Variants in GLRB observed in about 807,000 individuals in gnomAD.
GLRB encodes the protein glycine receptor subunit beta.
In GLRB, 33 loss-of-function variants were observed where a neutral mutation model predicts 54.2. The ratio of observed to expected loss-of-function variants is 0.61; its 90% CI spans 0.46 to 0.81. GLRB has a LOEUF of 0.81. GLRB is among the 40% of genes least tolerant of loss of function. GLRB has a pLI of 0.00. For synonymous variants in GLRB, 209 were observed against 208.2 expected, an observed-to-expected ratio of 1.00 and a Z score of -0.03; for missense variants, 572 against 584.6, an observed-to-expected ratio of 0.98 and a Z score of 0.22.
chr4:157,154,255 A>G (rs1325163770), intron 9 of GLRB, among the ~76,000 whole-genome samples: 1 of 152,130 alleles, frequency 6.6e-6, no homozygotes, highest in Non-Finnish European at 1.5e-5. Context: ...TGTAGACAAC[A>G]TATAGTTGGT....
chr4:157,107,622 T>C (rs1402328041), intron 2 of GLRB, among the ~76,000 whole-genome samples: 1 of 152,022 alleles, frequency 6.6e-6, no homozygotes, highest in Non-Finnish European at 1.5e-5. Flanking sequence ...AGAAGAAAAT[T>C]TGGAAGCTAG....
At chr4:157,080,500 C>A (rs1734185185) in intron 2 of GLRB, among the ~76,000 whole-genome samples, 1 of 152,098 alleles carries the variant, frequency 6.6e-6, no homozygotes, top group Non-Finnish European at 1.5e-5. Flanking sequence ...GAATTAAGAA[C>A]TTTAGAAGAC....
chr4:157,094,303 G>T (rs951672853), intron 2 of GLRB, among the ~76,000 whole-genome samples: 4 of 152,134 alleles, frequency 2.6e-5, no homozygotes, highest in Admixed American at 1.3e-4. Flanking sequence ...GAATAATCCA[G>T]TATATATCTT....
intron 2 of GLRB, among the ~76,000 whole-genome samples, chr4:157,102,991 C>G (rs1432940270): frequency 6.6e-6 from 1 of 151,780 alleles, no homozygotes; most frequent in Non-Finnish European, 1.5e-5. Flanking sequence ...ATAGTGAAAC[C>G]CCGTCTCTAC....
chr4:157,157,818 A>G (rs565024659), intron 9 of GLRB, among the ~76,000 whole-genome samples: 1 of 152,316 alleles, frequency 6.6e-6, no homozygotes, highest in South Asian at 2.1e-4. Flanking sequence ...ATGTGTCTTT[A>G]TAGCAACATG....
At chr4:157,145,716 G>A (rs1736781802) in intron 8 of GLRB, among the ~76,000 whole-genome samples, 1 of 152,196 alleles carries the variant, frequency 6.6e-6, no homozygotes, top group South Asian at 2.1e-4. Flanking sequence ...GTAAGATAGT[G>A]ATGTAAGATA....
chr4:157,127,395 G>A (rs1736052427), intron 4 of GLRB, among the ~76,000 whole-genome samples: 1 of 151,460 alleles, frequency 6.6e-6, no homozygotes, highest in South Asian at 2.1e-4. Context: ...TTCATCTTCA[G>A]GGTTTGCACT....
intron 2 of GLRB, among the ~76,000 whole-genome samples, chr4:157,112,354 C>A (rs572525188): frequency 6.6e-6 from 1 of 151,840 alleles, no homozygotes; most frequent in East Asian, 1.9e-4. Context: ...ATGTTTGATT[C>A]TCAAGTGCAT....
chr4:157,095,684 C>T (rs1019225604), intron 2 of GLRB, among the ~76,000 whole-genome samples: 83 of 152,182 alleles, frequency 5.5e-4, no homozygotes, highest in African/African-American at 1.8e-3. Context: ...TTTAAAAAGA[C>T]ATAAAGCTAG....
rs1736512113 is a variant in GLRB at position 157,138,936 on chromosome 4, C to CAGTTTTATTTTGCACGGGTATATTCTT, written c.738_739insAGTTTTATTTTGCACGGGTATATTCTT (p.Tyr246_Tyr247insSerPheIleLeuHisGlyTyrIleLeu). On this transcript the variant is annotated inframe_insertion, in exon 7 of 10. Coordinates refer to ENST00000264428, the MANE Select transcript of GLRB (RefSeq NM_000824.5). The stretch of plus-strand genomic sequence containing the variant: ...TTGAATATGGTAACTGTACAAAATA[C>CAGTTTTATTTTGCACGGGTATATTCTT]TATAAAGGCACGGGTAAGTAATATT... 2 of 1,436,364 alleles carry CAGTTTTATTTTGCACGGGTATATTCTT rather than the reference C, an allele frequency of 1.4e-6. No homozygotes were observed. The highest frequency in any genetic ancestry group is 2.0e-6 in the Non-Finnish European group (2 of 1,020,166). The allele number at this position is 1,436,364 out of a possible 1,614,324, so 89.0% of individuals were successfully genotyped here.
At chr4:157,108,616 G>T (rs940436667) in intron 2 of GLRB, among the ~76,000 whole-genome samples, 1 of 152,068 alleles carries the variant, frequency 6.6e-6, no homozygotes, top group African/African-American at 2.4e-5. Context: ...GATGAGCAAA[G>T]AATGTGGTTT....
chr4:157,091,659 C>T (rs1734621185), intron 2 of GLRB, among the ~76,000 whole-genome samples: 1 of 152,154 alleles, frequency 6.6e-6, no homozygotes, highest in Non-Finnish European at 1.5e-5. Flanking sequence ...AGGGCTGTTA[C>T]TCTATAGTGT....
At chr4:157,120,902 G>T (rs1735792852) in intron 3 of GLRB, among the ~76,000 whole-genome samples, 1 of 151,484 alleles carries the variant, frequency 6.6e-6, no homozygotes, top group Admixed American at 6.6e-5. Flanking sequence ...TTCAAAAAAG[G>T]ATATACTGTG....
intron 2 of GLRB, among the ~76,000 whole-genome samples, chr4:157,086,669 G>A (rs1734424698): frequency 1.3e-5 from 2 of 152,076 alleles, no homozygotes; most frequent in Non-Finnish European, 1.5e-5. Context: ...ATCGAATTAA[G>A]ACCAAAGAGA....
At chr4:157,085,615 G>A (rs2126433751) in intron 2 of GLRB, among the ~76,000 whole-genome samples, 1 of 152,012 alleles carries the variant, frequency 6.6e-6, no homozygotes, top group Admixed American at 6.5e-5. Context: ...TCCTGCCTCA[G>A]CCTCCCGAGT....
intron 7 of GLRB, among the ~76,000 whole-genome samples, chr4:157,141,505 T>C (rs1460024118): frequency 6.7e-6 from 1 of 148,536 alleles, no homozygotes; most frequent in East Asian, 1.9e-4. Context: ...AAAATTATGC[T>C]TTTTTATGAT....
Position 157,152,758 on chromosome 4 carries a change from C to A in GLRB, c.945C>A (p.Thr315=), listed in dbSNP as rs747493770. 2.5e-6 allele frequency: 4 copies of A among 1,613,628 alleles called. No homozygotes were observed. Among genetic ancestry groups the A allele is most frequent in the Non-Finnish European group, 3.4e-6 (4 of 1,179,668 alleles). ...SVLSLASECT[T]LAAELPKVSY... Reference sequence around the variant, plus strand: ...TCAGCTTGGCCTCTGAGTGCACAACCCTTGCCGCTGAGCTTCCCAAAGTTT... The same window carrying A: ...TCAGCTTGGCCTCTGAGTGCACAACACTTGCCGCTGAGCTTCCCAAAGTTT... Residue 315 remains threonine (T), a synonymous_variant, in exon 9 of 10, where the codon ACC becomes ACA. Transcript: ENST00000264428.
intron 8 of GLRB, among the ~76,000 whole-genome samples, chr4:157,149,281 GC>G (rs1736931663): frequency 1.3e-5 from 2 of 151,926 alleles, no homozygotes; most frequent in Admixed American, 6.6e-5. Context: ...TTTTCACCCA[GC>G]CTTTTTGTGA....
At chr4:157,153,968 A>G (rs1420459522) in intron 9 of GLRB, among the ~76,000 whole-genome samples, 1 of 152,160 alleles carries the variant, frequency 6.6e-6, no homozygotes, top group Non-Finnish European at 1.5e-5. Flanking sequence ...AAGCAAAGGA[A>G]CCATGCTTGT....
Sources: gnomAD v4.1 joint callset for allele counts (sites outside exome capture counted in the v4.1 genomes callset) on GRCh38, gnomAD v4.1.1 for gene constraint, MANE v1.5 for transcripts, NCBI Gene and HGNC (gene_info 2026-07-23, HGNC 2026-07-21) for gene names.